The following JAZF1 variants were observed in gnomAD, a reference collection of about 807,000 sequenced individuals.
JAZF1 encodes the protein juxtaposed with another zinc finger protein 1.
JAZF1 carries 8 observed loss-of-function variants against 26.4 expected under a neutral mutation model. The observed-to-expected ratio is 0.30, with a 90% CI of 0.18 to 0.55. The LOEUF is 0.55. Ranked by LOEUF, JAZF1 falls within the 20% of genes least tolerant of loss-of-function variation. The pLI is 0.94. For synonymous variants in JAZF1, 126 were observed against 122.3 expected, an observed-to-expected ratio of 1.03 and a Z score of -0.20; for missense variants, 199 against 322.0, an observed-to-expected ratio of 0.62 and a Z score of 2.92.
At chr7:28,031,130 T>C (rs887873520) in intron 1 of JAZF1, among the ~76,000 whole-genome samples, 9 of 152,158 alleles carry the variant, frequency 5.9e-5, no homozygotes, top group African/African-American at 1.7e-4. Context: ...AAGACATCTA[T>C]ATCTCAGGTT....
chr7:28,002,669 G>C (rs910330054), intron 1 of JAZF1, among the ~76,000 whole-genome samples: 8 of 152,102 alleles, frequency 5.3e-5, no homozygotes, highest in Non-Finnish European at 1.0e-4. Flanking sequence ...TGGCATAATG[G>C]TACATAGAAA....
intron 2 of JAZF1, among the ~76,000 whole-genome samples, chr7:27,926,724 C>T (rs1470343561): frequency 6.6e-6 from 1 of 152,214 alleles, no homozygotes; most frequent in Admixed American, 6.5e-5. Flanking sequence ...GGAATGGAGG[C>T]ACTGAATGGC....
intron 2 of JAZF1, among the ~76,000 whole-genome samples, chr7:27,951,497 T>C (rs1004222685): frequency 6.6e-6 from 1 of 152,246 alleles, no homozygotes; most frequent in Non-Finnish European, 1.5e-5. Context: ...GTTACTTTTC[T>C]GAAATGGTCA....
intron 2 of JAZF1, among the ~76,000 whole-genome samples, chr7:27,984,919 C>T (rs1261519167): frequency 6.6e-6 from 1 of 152,100 alleles, no homozygotes; most frequent in Non-Finnish European, 1.5e-5. Context: ...AACAAAGACA[C>T]AACATACCAG....
chr7:27,855,966 A>G (rs1238798454), intron 3 of JAZF1, among the ~76,000 whole-genome samples: 1 of 152,248 alleles, frequency 6.6e-6, no homozygotes, highest in African/African-American at 2.4e-5. Context: ...AATCCTCAAT[A>G]AAATACTGGC....
At chr7:27,868,496 T>C (rs1025782714) in intron 3 of JAZF1, among the ~76,000 whole-genome samples, 13 of 152,190 alleles carry the variant, frequency 8.5e-5, no homozygotes, top group East Asian at 5.8e-4. Context: ...AGGCGTGGAG[T>C]TGCTTGCTCC....
chr7:27,991,487 C>T (rs1785902607), intron 2 of JAZF1, among the ~76,000 whole-genome samples: 1 of 152,150 alleles, frequency 6.6e-6, no homozygotes, highest in African/African-American at 2.4e-5. Flanking sequence ...AGATGAGCTG[C>T]TTCTAAATAA....
intron 2 of JAZF1, among the ~76,000 whole-genome samples, chr7:27,909,576 A>G (rs1021308053): frequency 7.4e-4 from 113 of 152,052 alleles, no homozygotes; most frequent in African/African-American, 2.7e-3. Flanking sequence ...GCATGGTGGC[A>G]CATGCCTGTA....
chr7:28,080,567 C>T (rs922994468), intron 1 of JAZF1, among the ~76,000 whole-genome samples: 7 of 152,172 alleles, frequency 4.6e-5, no homozygotes, highest in East Asian at 1.9e-4. Flanking sequence ...AAGTGAGAGA[C>T]GTGTTACTCT....
intron 1 of JAZF1, chr7:28,020,808 T>A: frequency 2.4e-6 from 1 of 408,298 alleles, no homozygotes; most frequent in East Asian, 7.2e-5. Flanking sequence ...TTAGGAGAAT[T>A]ACCAAAACTC....
chr7:27,883,894 C>T (rs1017275052), intron 3 of JAZF1, among the ~76,000 whole-genome samples: 2 of 152,148 alleles, frequency 1.3e-5, no homozygotes, highest in Non-Finnish European at 2.9e-5. Flanking sequence ...CTTAGTGTTG[C>T]CATGCTAAGG....
chr7:27,922,800 A>C (rs1298219076), intron 2 of JAZF1, among the ~76,000 whole-genome samples: 1 of 152,208 alleles, frequency 6.6e-6, no homozygotes, highest in Non-Finnish European at 1.5e-5. Context: ...ACCCAGAGAT[A>C]CATGCTTCTA....
At chr7:27,888,453 GCTTT>G (rs1783908957) in intron 3 of JAZF1, among the ~76,000 whole-genome samples, 1 of 151,738 alleles carries the variant, frequency 6.6e-6, no homozygotes, top group Non-Finnish European at 1.5e-5. Context: ...AGTTTATTTT[GCTTT>G]CTAACAATAA....
At chr7:27,983,593 CA>C (rs746126104) in intron 2 of JAZF1, among the ~76,000 whole-genome samples, 1 of 152,162 alleles carries the variant, frequency 6.6e-6, no homozygotes, top group Non-Finnish European at 1.5e-5. Context: ...TCAGGAAATA[CA>C]GAGAACGCCA....
At chr7:28,047,871 T>A (rs151189912) in intron 1 of JAZF1, among the ~76,000 whole-genome samples, 185 of 152,314 alleles carry the variant, frequency 1.2e-3, no homozygotes, top group African/African-American at 4.2e-3. Flanking sequence ...CTTATATTGA[T>A]AAATTAGATG....
chr7:28,026,843 T>C (rs1783102698), intron 1 of JAZF1, among the ~76,000 whole-genome samples: 1 of 152,174 alleles, frequency 6.6e-6, no homozygotes, highest in South Asian at 2.1e-4. Context: ...TCAGGAGATG[T>C]CCGCAGAATG....
At chr7:28,128,306 G>A (rs1005775408) in intron 1 of JAZF1, among the ~76,000 whole-genome samples, 2 of 152,100 alleles carry the variant, frequency 1.3e-5, no homozygotes, top group African/African-American at 4.8e-5. Context: ...GGTGGATCAC[G>A]AGGTCAGGAG....
At chr7:28,025,541 T>C (rs985814780) in intron 1 of JAZF1, among the ~76,000 whole-genome samples, 6 of 152,168 alleles carry the variant, frequency 3.9e-5, no homozygotes, top group Non-Finnish European at 7.4e-5. Flanking sequence ...TTCTACTATG[T>C]TATTTAATTT....
chr7:27,860,570 G>A (rs1048801381), intron 3 of JAZF1, among the ~76,000 whole-genome samples: 10 of 152,162 alleles, frequency 6.6e-5, no homozygotes, highest in Admixed American at 6.5e-4. Context: ...AGCTCTAAGC[G>A]CTGTACATCT....
Sources: allele counts gnomAD v4.1 joint callset (sites outside exome capture counted in the v4.1 genomes callset), GRCh38; gene constraint gnomAD v4.1.1; transcripts MANE v1.5; gene names NCBI Gene and HGNC (gene_info 2026-07-23, HGNC 2026-07-21).